Variants in CASP5 observed in about 807,000 individuals in gnomAD.
The protein encoded by CASP5 is caspase 5, also known as caspase-5.
A neutral mutation model predicts 45.2 loss-of-function variants in CASP5; 42 were observed. That is an observed-to-expected ratio of 0.93 (90% CI 0.73 to 1.20). The LOEUF is 1.20. Ranked by LOEUF, CASP5 falls within the 50% of genes most tolerant of loss-of-function variation. CASP5 has a pLI of 0.00. For missense variants in CASP5, 512 were observed against 532.2 expected, an observed-to-expected ratio of 0.96 and a Z score of 0.37; for synonymous variants, 209 against 186.2, an observed-to-expected ratio of 1.12 and a Z score of -1.00.
rs539857686 is a variant in CASP5, at chr11:105,011,978, C to T, written c.8-2998G>A. On this transcript the variant is annotated intron_variant, in intron 1 of 9. Coordinates refer to ENST00000260315, the MANE Select transcript of CASP5 (RefSeq NM_004347.5). ...TGGAATTATTTAAAAATTCAAATAG[C>T]CAAAGCATCCTTGAGTAAAGAACAA... Among the ~76,000 whole-genome samples the T allele has an allele frequency of 9.6e-4, 145 of 151,646 alleles. 3 individuals are homozygous for T. In the South Asian group the frequency reaches 0.028, roughly 29 times the overall value.
chr11:105,010,946 A>T (rs1285449285), intron 1 of CASP5, among the ~76,000 whole-genome samples: 2 of 151,820 alleles, frequency 1.3e-5, no homozygotes, highest in African/African-American at 4.8e-5. Context: ...ACAAGTGATC[A>T]GAATCCAGAG....
intron 6 of CASP5, 117 bp from the exon 7 acceptor site, chr11:104,999,145 A>G (rs1289077687): frequency 4.7e-6 from 4 of 845,600 alleles, no homozygotes; most frequent in South Asian, 2.0e-5. Flanking sequence ...TGCTGCACCT[A>G]TCATATAGGT....
intron 1 of CASP5, among the ~76,000 whole-genome samples, chr11:105,009,926 C>CGTATATACACATATAT (rs1565388595): frequency 0.018 from 2,201 of 125,014 alleles, 84 homozygotes; most frequent in African/African-American, 0.063. Flanking sequence ...TATATACACA[C>CGTATATACACATATAT]ATACACACAC....
In CASP5 at chr11:105,023,063, G is replaced by A. The variant is rs926071427; in HGVS notation, c.7+67C>T. On this transcript the variant is annotated intron_variant, in intron 1 of 9. Transcript: ENST00000260315. ...TTTTGGTATTTCTGCCTGTCACATA[G>A]CAATAAATCAAGATTTTTCTAAGAC... 6 of 1,436,636 alleles carry A rather than the reference G, an allele frequency of 4.2e-6. No homozygotes were observed. In the Admixed American group the frequency reaches 5.9e-5, roughly 14 times the overall value. 89.0% of individuals were successfully genotyped at this position (1,436,636 alleles called of 1,614,324 possible).
At chr11:105,002,738 A>G (rs1861801371) in intron 4 of CASP5, among the ~76,000 whole-genome samples, 2 of 152,092 alleles carry the variant, frequency 1.3e-5, no homozygotes, top group South Asian at 4.1e-4. Context: ...TAAATCCCAA[A>G]TTGATACAAA....
intron 3 of CASP5, 94 bp downstream of exon 3, chr11:105,006,989 A>G (rs1862028250): frequency 1.9e-6 from 2 of 1,035,116 alleles, no homozygotes; most frequent in Non-Finnish European, 2.9e-6. Context: ...TAGAAATGAA[A>G]CTGTAGGTAG....
intron 1 of CASP5, among the ~76,000 whole-genome samples, chr11:105,021,902 A>T (rs917420169): frequency 6.7e-6 from 1 of 149,450 alleles, no homozygotes; most frequent in Non-Finnish European, 1.5e-5. Context: ...AAAGACTTGG[A>T]ACCAACCCAA....
chr11:105,008,710 A>G (rs1862124422), intron 2 of CASP5, 97 bp downstream of exon 2: 1 of 806,802 alleles, frequency 1.2e-6, no homozygotes, highest in Non-Finnish European at 2.0e-6. Flanking sequence ...TCATAAAGGA[A>G]GGAGGATAGG....
intron 1 of CASP5, among the ~76,000 whole-genome samples, chr11:105,014,187 A>T (rs1014086980): frequency 2.6e-5 from 4 of 152,090 alleles, no homozygotes; most frequent in Non-Finnish European, 5.9e-5. Flanking sequence ...GCTCATTACA[A>T]TTAAAATATT....
intron 1 of CASP5, among the ~76,000 whole-genome samples, chr11:105,022,051 A>C (rs900401893): frequency 1.3e-5 from 2 of 150,994 alleles, no homozygotes; most frequent in African/African-American, 2.4e-5. Context: ...TCAGTAAACT[A>C]TCACAAGAAC....
intron 1 of CASP5, among the ~76,000 whole-genome samples, chr11:105,018,802 G>A (rs1276877247): frequency 6.6e-5 from 9 of 137,212 alleles, no homozygotes; most frequent in Admixed American, 1.6e-4. Flanking sequence ...GCACCAAGCG[G>A]ACCTAATAGA....
At chr11:105,001,395 G>T (rs1019065468) in intron 5 of CASP5, among the ~76,000 whole-genome samples, 19 of 152,176 alleles carry the variant, frequency 1.2e-4, no homozygotes, top group African/African-American at 4.1e-4. Flanking sequence ...GGCCGGGTGC[G>T]GTGGCTCACG....
At chr11:105,009,758 T>TATATATACACACAC (rs1555079440) in intron 1 of CASP5, among the ~76,000 whole-genome samples, 3 of 90,250 alleles carry the variant, frequency 3.3e-5, no homozygotes, top group African/African-American at 1.3e-4. Context: ...TATATATATA[T>TATATATACACACAC]ACACACACAC....
intron 3 of CASP5, among the ~76,000 whole-genome samples, chr11:105,005,335 G>A (rs1357237730): frequency 6.8e-6 from 1 of 147,632 alleles, no homozygotes; most frequent in African/African-American, 2.5e-5. Flanking sequence ...CAGATCATCG[G>A]TATATAGTGT....
chr11:105,007,451 G>A, intron 2 of CASP5, 117 bp from the exon 3 acceptor site: 2 of 998,586 alleles, frequency 2.0e-6, no homozygotes, highest in Non-Finnish European at 2.9e-6. Context: ...ATTTTACCAT[G>A]TCTCCAGCGA....
At chr11:104,996,337 A>G (rs1440137381) in intron 8 of CASP5, among the ~76,000 whole-genome samples, 2 of 152,124 alleles carry the variant, frequency 1.3e-5, no homozygotes, top group South Asian at 2.1e-4. Flanking sequence ...CTTACCGTAA[A>G]TCCAATATTT....
At chr11:105,008,310 A>C (rs1407084331) in intron 2 of CASP5, among the ~76,000 whole-genome samples, 1 of 152,096 alleles carries the variant, frequency 6.6e-6, no homozygotes, top group Non-Finnish European at 1.5e-5. Context: ...TCTAGAGCTA[A>C]ATGAGTCTGG....
rs1185642997 is a variant in CASP5 at position 105,022,164 on chromosome 11, G to C, written c.7+966C>G. ...ATCACACTCTGGAGCCTGTTGTGGG[G>C]TGGGGGGAGGGGGGAGGGATAGCAT... On this transcript the variant is annotated intron_variant, in intron 1 of 9. Coordinates refer to ENST00000260315, the MANE Select transcript of CASP5 (RefSeq NM_004347.5). Among the ~76,000 whole-genome samples the C allele has an allele frequency of 2.5e-5, 3 of 117,728 alleles. No homozygotes were observed. In the Admixed American group the frequency reaches 3.1e-4, roughly 12 times the overall value. The allele number at this position is 117,728 out of a possible 152,430, so 77.2% of individuals were successfully genotyped here. A position where few individuals can be genotyped will look rare whatever the true frequency, so the allele number is the denominator to read the frequency against.
At chr11:105,002,361 A>G (rs1439433614) in intron 4 of CASP5, among the ~76,000 whole-genome samples, 160 bp from the exon 5 acceptor site, 1 of 152,190 alleles carries the variant, frequency 6.6e-6, no homozygotes, top group Non-Finnish European at 1.5e-5. Context: ...CCAGAGCAAG[A>G]ACCAGGACAT....
Sources: allele counts gnomAD v4.1 joint callset (sites outside exome capture counted in the v4.1 genomes callset), GRCh38; gene constraint gnomAD v4.1.1; transcripts MANE v1.5; gene names NCBI Gene and HGNC (gene_info 2026-07-23, HGNC 2026-07-21).